RPS6KC1: variants seen among roughly 807,000 people sequenced by gnomAD.
RPS6KC1 encodes the protein ribosomal protein S6 kinase C1, also known as inactive ribosomal protein S6 kinase delta-1.
A neutral mutation model predicts 103.8 loss-of-function variants in RPS6KC1; 54 were observed. The ratio of observed to expected loss-of-function variants is 0.52; its 90% CI spans 0.42 to 0.65. The LOEUF (loss-of-function observed/expected upper bound fraction) is 0.65. Among genes scored for constraint, RPS6KC1 ranks in the 30% least tolerant of loss-of-function variants. The pLI, the probability that RPS6KC1 is intolerant of heterozygous loss-of-function variation, is 0.00. For synonymous variants in RPS6KC1, 439 were observed against 438.7 expected (o/e 1.00, Z -0.01); for missense variants, 1,151 against 1,253.8 (o/e 0.92, Z 1.24).
At chr1:213,070,942 T>G in intron 1 of RPS6KC1, 64 bp from the exon 2 acceptor site, 4 of 992,742 alleles carry the variant, frequency 4.0e-6, no homozygotes, top group Non-Finnish European at 6.0e-6. Flanking sequence ...GGAAGTTAAT[T>G]ATACAAATAT....
At chr1:213,270,225 G>A (rs933601903) in intron 14 of RPS6KC1, among the ~76,000 whole-genome samples, 4 of 152,116 alleles carry the variant, frequency 2.6e-5, no homozygotes, top group Non-Finnish European at 4.4e-5. Flanking sequence ...AATTGAATAT[G>A]CACATGCTAA....
chr1:213,306,097 C>T, the RPS6KC1 span, among the ~76,000 whole-genome samples: 178 of 152,234 alleles, frequency 1.2e-3, 1 homozygote, highest in African/African-American at 4.0e-3. Context: ...AAGATCCAGT[C>T]GGCTTGGATT....
chr1:213,099,306 A>G (rs1344155343), intron 3 of RPS6KC1, among the ~76,000 whole-genome samples: 3 of 152,146 alleles, frequency 2.0e-5, no homozygotes, highest in Non-Finnish European at 4.4e-5. Context: ...ACTTTACGCA[A>G]CATTTTATTG....
At chr1:213,465,608 G>A in the RPS6KC1 span, among the ~76,000 whole-genome samples, 3 of 152,056 alleles carry the variant, frequency 2.0e-5, no homozygotes, top group African/African-American at 4.8e-5. Context: ...CGTTCATTGA[G>A]TCTCTACCTT....
At chr1:213,827,033 G>A in the RPS6KC1 span, among the ~76,000 whole-genome samples, 5 of 152,150 alleles carry the variant, frequency 3.3e-5, no homozygotes, top group South Asian at 2.1e-4. Flanking sequence ...TAAGATTAAC[G>A]CTGGGCTTGA....
chr1:213,798,154 G>C, the RPS6KC1 span, among the ~76,000 whole-genome samples: 1 of 152,240 alleles, frequency 6.6e-6, no homozygotes, highest in South Asian at 2.1e-4. Context: ...AGCAAATCTG[G>C]CCCCAAAGAA....
the RPS6KC1 span, among the ~76,000 whole-genome samples, chr1:213,594,518 C>T: frequency 9.1e-3 from 1,391 of 152,222 alleles, 24 homozygotes; most frequent in African/African-American, 0.031. Flanking sequence ...TGAGGGGCTC[C>T]TATAATTTCT....
the RPS6KC1 span, among the ~76,000 whole-genome samples, chr1:213,846,760 G>A: frequency 1.3e-5 from 2 of 152,028 alleles, no homozygotes; most frequent in Non-Finnish European, 2.9e-5. Context: ...GGGTGTGAAG[G>A]GAATCTTTCA....
chr1:213,644,080 G>T, the RPS6KC1 span, among the ~76,000 whole-genome samples: 1 of 151,838 alleles, frequency 6.6e-6, no homozygotes, highest in African/African-American at 2.4e-5. Context: ...TTCTTATAAG[G>T]CTTTTATCTG....
At chr1:213,211,780 T>C (rs2093513814) in intron 8 of RPS6KC1, among the ~76,000 whole-genome samples, 1 of 152,190 alleles carries the variant, frequency 6.6e-6, no homozygotes. Flanking sequence ...GTGTTTGTAG[T>C]TTATTTATTG....
At chr1:213,250,189 C>T (rs921941606) in intron 12 of RPS6KC1, among the ~76,000 whole-genome samples, 4 of 152,124 alleles carry the variant, frequency 2.6e-5, no homozygotes, top group South Asian at 2.1e-4. Flanking sequence ...AAAGCGAATG[C>T]GTATTAGGGT....
At chr1:213,131,531 C>T (rs2085616454) in intron 6 of RPS6KC1, among the ~76,000 whole-genome samples, 1 of 151,990 alleles carries the variant, frequency 6.6e-6, no homozygotes, top group Admixed American at 6.6e-5. Flanking sequence ...GCAACCTTTG[C>T]CTCCGGGGTT....
the RPS6KC1 span, among the ~76,000 whole-genome samples, chr1:213,639,289 A>G: frequency 6.6e-6 from 1 of 152,030 alleles, no homozygotes; most frequent in African/African-American, 2.4e-5. Flanking sequence ...TGTGCATAGA[A>G]ACGGCTTTAT....
chr1:213,203,475 T>A (rs2093237405), intron 8 of RPS6KC1, among the ~76,000 whole-genome samples: 1 of 152,174 alleles, frequency 6.6e-6, no homozygotes, highest in Non-Finnish European at 1.5e-5. Flanking sequence ...TTTTTAAAAT[T>A]TTTTATTGAC....
In RPS6KC1 at chr1:213,083,453, A is replaced by G. The variant is rs192702541; in HGVS notation, c.262+5637A>G. Among the ~76,000 whole-genome samples the G allele has an allele frequency of 9.6e-3, 1,467 of 152,308 alleles. 12 individuals are homozygous for G. Among genetic ancestry groups the G allele is most frequent in the Non-Finnish European group, 0.017 (1,147 of 68,034 alleles). ...CAGGAATGTCTATAGCAGTTATTCC[A>G]TGCCTATCCCACTATTGTGTATTGA... On this transcript the variant is annotated intron_variant, in intron 3 of 14. Transcript: ENST00000366960.
At chr1:213,267,134 A>G (rs1029784427) in intron 14 of RPS6KC1, among the ~76,000 whole-genome samples, 1 of 151,832 alleles carries the variant, frequency 6.6e-6, no homozygotes, top group South Asian at 2.1e-4. Context: ...GCCAGGGCAG[A>G]TGTGGTTTTG....
chr1:213,130,270 G>A (rs114488082), intron 6 of RPS6KC1, among the ~76,000 whole-genome samples: 1 of 152,134 alleles, frequency 6.6e-6, no homozygotes, highest in African/African-American at 2.4e-5. Context: ...AAATGAAATG[G>A]ATTTTTAAAC....
chr1:213,334,626 T>C, the RPS6KC1 span, among the ~76,000 whole-genome samples: 1 of 152,208 alleles, frequency 6.6e-6, no homozygotes, highest in Non-Finnish European at 1.5e-5. Context: ...TGAAAACATA[T>C]GCTCCTGTGA....
chr1:213,624,431 A>G, the RPS6KC1 span, among the ~76,000 whole-genome samples: 1 of 152,256 alleles, frequency 6.6e-6, no homozygotes, highest in Non-Finnish European at 1.5e-5. Flanking sequence ...GCCAGAGTGT[A>G]CATGGAAGGG....
Sources: gnomAD v4.1 joint callset for allele counts (sites outside exome capture counted in the v4.1 genomes callset) on GRCh38, gnomAD v4.1.1 for gene constraint, MANE v1.5 for transcripts, NCBI Gene and HGNC (gene_info 2026-07-23, HGNC 2026-07-21) for gene names.